GABRB2: variants seen among roughly 807,000 people sequenced by gnomAD.
GABRB2 encodes gamma-aminobutyric acid type A receptor subunit beta2.
Under a neutral mutation model 54.7 loss-of-function variants are expected in GABRB2, and 16 were observed. The observed-to-expected ratio is 0.29, with a 90% CI of 0.20 to 0.44. The LOEUF (loss-of-function observed/expected upper bound fraction) is 0.44, where lower values mean the gene tolerates loss of function less well. GABRB2 is among the 20% of genes least tolerant of loss of function. The probability of loss-of-function intolerance (pLI) is 1.00; values close to 1 mark genes in which losing one functional copy is unlikely to be tolerated. For synonymous variants in GABRB2, 244 were observed against 233.8 expected (o/e 1.04, Z -0.40); for missense variants, 355 against 644.0 (o/e 0.55, Z 4.86).
intron 4 of GABRB2, among the ~76,000 whole-genome samples, chr5:161,423,727 G>C (rs1333091287): frequency 6.6e-6 from 1 of 152,058 alleles, no homozygotes; most frequent in Non-Finnish European, 1.5e-5. Context: ...AGGTGTTCTA[G>C]TGAAAGAAAG....
chr5:161,453,635 G>C lies in GABRB2; in HGVS notation c.458+5989C>G, dbSNP rs765867562. ...CTGTTTACAAAGCCTCCCAGTTTAT[G>C]GTATTTTATTATAGTGCCCAAATCA... is the stretch of plus-strand genomic sequence containing the variant. On this transcript the variant is annotated intron_variant, in intron 4 of 9. Transcript: ENST00000393959. Among the ~76,000 whole-genome samples, 4 of 152,020 alleles carry C rather than the reference G, an allele frequency of 2.6e-5. No homozygotes were observed. In the East Asian group the frequency reaches 7.7e-4, roughly 29 times the overall value.
At chr5:161,385,851 A>G (rs1375477251) in intron 5 of GABRB2, among the ~76,000 whole-genome samples, 2 of 152,094 alleles carry the variant, frequency 1.3e-5, no homozygotes, top group Non-Finnish European at 2.9e-5. Context: ...AAGACAGATT[A>G]TAAGAAAAAA....
chr5:161,493,954 G>A (rs925631433), intron 3 of GABRB2, among the ~76,000 whole-genome samples: 3 of 151,686 alleles, frequency 2.0e-5, no homozygotes, highest in Non-Finnish European at 3.0e-5. Flanking sequence ...CATATGTTAA[G>A]TAGCTTGATT....
At chr5:161,306,587 C>T (rs1467658554) in intron 9 of GABRB2, among the ~76,000 whole-genome samples, 1 of 152,122 alleles carries the variant, frequency 6.6e-6, no homozygotes, top group Admixed American at 6.5e-5. Flanking sequence ...GTGGGGAACA[C>T]AGCCAGTGGA....
At chr5:161,369,670 T>C (rs915386642) in intron 5 of GABRB2, among the ~76,000 whole-genome samples, 4 of 152,076 alleles carry the variant, frequency 2.6e-5, no homozygotes, top group Non-Finnish European at 5.9e-5. Flanking sequence ...TTTTAACCCT[T>C]GGGAATAGAT....
At chr5:161,497,846 T>G (rs1759304321) in intron 3 of GABRB2, among the ~76,000 whole-genome samples, 1 of 152,138 alleles carries the variant, frequency 6.6e-6, no homozygotes, top group Non-Finnish European at 1.5e-5. Context: ...CAAACCCAGC[T>G]GGACTAAAGA....
At chr5:161,513,294 A>T (rs1276601805) in intron 3 of GABRB2, among the ~76,000 whole-genome samples, 1 of 152,084 alleles carries the variant, frequency 6.6e-6, no homozygotes, top group Admixed American at 6.6e-5. Flanking sequence ...TATTCAATGG[A>T]AAATAAATCA....
intron 9 of GABRB2, among the ~76,000 whole-genome samples, chr5:161,296,906 C>T (rs1407077694): frequency 2.0e-5 from 3 of 152,022 alleles, no homozygotes; most frequent in Non-Finnish European, 2.9e-5. Flanking sequence ...GAATAGGATT[C>T]GGGAAGACTA....
chr5:161,295,699 A>G (rs1319375809), intron 9 of GABRB2, among the ~76,000 whole-genome samples: 1 of 152,256 alleles, frequency 6.6e-6, no homozygotes, highest in Non-Finnish European at 1.5e-5. Flanking sequence ...TTTAATGGCC[A>G]TGTATTATAA....
intron 3 of GABRB2, among the ~76,000 whole-genome samples, chr5:161,474,385 T>C (rs545690865): frequency 6.6e-6 from 1 of 152,132 alleles, no homozygotes; most frequent in East Asian, 1.9e-4. Flanking sequence ...CCCTTTCCTA[T>C]GTTTCCCATT....
intron 3 of GABRB2, among the ~76,000 whole-genome samples, chr5:161,538,826 G>GA (rs11292413): frequency 6.2e-4 from 87 of 141,022 alleles, no homozygotes; most frequent in South Asian, 1.8e-3. Context: ...TGTCTCAAAA[G>GA]AAAAAAAAAA....
intron 3 of GABRB2, among the ~76,000 whole-genome samples, chr5:161,467,625 T>C (rs7724146): frequency 0.16 from 23,979 of 152,070 alleles, 2,115 homozygotes; most frequent in South Asian, 0.31. Flanking sequence ...TGTCAGTATT[T>C]CCACTTTTCA....
intron 7 of GABRB2, among the ~76,000 whole-genome samples, chr5:161,331,800 G>T (rs920422401): frequency 1.3e-5 from 2 of 152,052 alleles, no homozygotes; most frequent in Non-Finnish European, 2.9e-5. Context: ...AAGCAAGGGG[G>T]CAATTTGCAT....
chr5:161,337,127 C>G (rs910213205), intron 5 of GABRB2, among the ~76,000 whole-genome samples: 1 of 152,000 alleles, frequency 6.6e-6, no homozygotes, highest in Non-Finnish European at 1.5e-5. Context: ...ATTAGGAATC[C>G]CATTCTATCA....
intron 3 of GABRB2, among the ~76,000 whole-genome samples, chr5:161,499,417 C>T (rs563976431): frequency 1.8e-4 from 27 of 152,202 alleles, no homozygotes; most frequent in African/African-American, 5.5e-4. Context: ...TAAAGACTAG[C>T]TAACTTCCAT....
chr5:161,545,596 C>G (rs551374949), intron 2 of GABRB2, among the ~76,000 whole-genome samples: 2 of 152,126 alleles, frequency 1.3e-5, no homozygotes, highest in East Asian at 3.9e-4. Flanking sequence ...CACAAGAATC[C>G]TTCTAGTCTA....
chr5:161,523,277 C>T (rs923577484), intron 3 of GABRB2, among the ~76,000 whole-genome samples: 2 of 151,440 alleles, frequency 1.3e-5, no homozygotes, highest in Non-Finnish European at 3.0e-5. Flanking sequence ...ACAAGTAATC[C>T]TACCTTTATT....
At chr5:161,540,860 ATT>A (rs764192093) in intron 3 of GABRB2, among the ~76,000 whole-genome samples, 38 of 151,536 alleles carry the variant, frequency 2.5e-4, no homozygotes, top group Non-Finnish European at 4.9e-4. Context: ...TATTATTATT[ATT>A]TTGAGACAAG....
intron 9 of GABRB2, among the ~76,000 whole-genome samples, chr5:161,295,663 T>C (rs1380934554): frequency 1.3e-5 from 2 of 152,242 alleles, no homozygotes; most frequent in Non-Finnish European, 2.9e-5. Flanking sequence ...TAAGATTATA[T>C]ATTAACAATT....
Sources: allele counts gnomAD v4.1 joint callset (sites outside exome capture counted in the v4.1 genomes callset), GRCh38; gene constraint gnomAD v4.1.1; transcripts MANE v1.5; gene names NCBI Gene and HGNC (gene_info 2026-07-23, HGNC 2026-07-21).